Variants in ESPNL observed in about 807,000 individuals in gnomAD.
The protein encoded by ESPNL is espin like.
Under a neutral mutation model 46.8 loss-of-function variants are expected in ESPNL, and 49 were observed. The ratio of observed to expected loss-of-function variants is 1.05; its 90% CI spans 0.83 to 1.33. ESPNL has a LOEUF of 1.33. Among genes scored for constraint, ESPNL ranks in the 40% most tolerant of loss-of-function variants. The probability of loss-of-function intolerance (pLI) is 0.00; values close to 1 mark genes in which losing one functional copy is unlikely to be tolerated. For synonymous variants in ESPNL, 664 were observed against 662.1 expected, an observed-to-expected ratio of 1.00 and a Z score of -0.04; for missense variants, 1,540 against 1,436.6, an observed-to-expected ratio of 1.07 and a Z score of -1.16.
At chr2:238,109,237 A>G (rs2106466785) in intron 4 of ESPNL, among the ~76,000 whole-genome samples, 2 of 152,326 alleles carry the variant, frequency 1.3e-5, no homozygotes, top group African/African-American at 4.8e-5. Flanking sequence ...GCTTTTTTAA[A>G]GCAGCAAAAT....
chr2:238,102,094 C>G lies in ESPNL; in HGVS notation c.448C>G (p.Leu150Val). The stretch of plus-strand genomic sequence containing the variant: ...GCACCACGCTGCCGTCAGTGGGGAC[C>G]TGACCTGCCTCAAGCTCCTGACAGC... Reference protein sequence around the residue: ...PLHHAAVSGDLTCLKLLTAAH... With the variant: ...PLHHAAVSGDVTCLKLLTAAH... The change falls in exon 2 of 9, where the codon CTG (leucine) becomes GTG (valine). Residue 150 changes from leucine to valine, a missense_variant. Leu to Val is a conservative substitution (Grantham distance 32, BLOSUM62 1). Coordinates refer to ENST00000343063, the MANE Select transcript of ESPNL (RefSeq NM_194312.4). 1.3e-6 allele frequency: 2 copies of G among 1,570,618 alleles called. No individual in the cohort carries two copies. The highest frequency in any genetic ancestry group is 1.7e-6 in the Non-Finnish European group (2 of 1,159,620).
At chr2:238,121,083 C>G (rs981787271) in intron 5 of ESPNL, among the ~76,000 whole-genome samples, 1 of 152,178 alleles carries the variant, frequency 6.6e-6, no homozygotes, top group Non-Finnish European at 1.5e-5. Context: ...TCGGGCTCTG[C>G]TCAGGGTGCT....
Position 238,128,913 on chromosome 2 carries a change from C to T in ESPNL, c.1413+9C>T. ...GCTCCGCAGAGGCCCAGGTAGGCCCCCGGCAGGGGCGGGACCAGTGGGCGG... is the reference window on the plus strand; with the variant it reads ...GCTCCGCAGAGGCCCAGGTAGGCCCTCGGCAGGGGCGGGACCAGTGGGCGG... On this transcript the variant is annotated intron_variant, in intron 8 of 8. Transcript: ENST00000343063. The T allele has an allele frequency of 6.5e-7, 1 of 1,533,646 alleles. No individual in the cohort carries two copies. The highest frequency in any genetic ancestry group is 2.0e-5 in the Admixed American group (1 of 50,756).
At chr2:238,102,842 A>G (rs924831990) in intron 2 of ESPNL, among the ~76,000 whole-genome samples, 1 of 151,566 alleles carries the variant, frequency 6.6e-6, no homozygotes, top group Non-Finnish European at 1.5e-5. Context: ...GGACCCACCT[A>G]CCTCTGACCA....
At chr2:238,116,819 C>A in intron 4 of ESPNL, 84 bp from the exon 5 acceptor site, 1 of 1,519,242 alleles carries the variant, frequency 6.6e-7, no homozygotes, top group Non-Finnish European at 9.0e-7. Flanking sequence ...CGCCATGGGG[C>A]AGGGGAGCGG....
chr2:238,106,353 G>A (rs142248207), intron 3 of ESPNL, among the ~76,000 whole-genome samples: 288 of 152,242 alleles, frequency 1.9e-3, no homozygotes, highest in Middle Eastern at 6.8e-3. Flanking sequence ...CCGGGCGCTC[G>A]GGATGGCGCT....
chr2:238,118,241 T>G (rs1691860903), intron 5 of ESPNL, among the ~76,000 whole-genome samples: 1 of 102,504 alleles, frequency 9.8e-6, no homozygotes, highest in Admixed American at 1.1e-4. Context: ...GGAGGGTGGA[T>G]GGAGGAGGAA....
At position 238,131,133 on chromosome 2, in the gene ESPNL, C is replaced by A; in HGVS notation, c.2419C>A (p.Leu807Met). ...GCAGCAGCGCAGCACCATCACCCAC[C>A]TGCTGGGCAACTGGAAGGCCATCAT... ...LWQQRSTITHLLGNWKAIMAH... is the reference protein window; with the variant it reads ...LWQQRSTITHMLGNWKAIMAH... The change falls in exon 9 of 9, where the codon CTG becomes ATG. Residue 807 changes from leucine to methionine, a missense_variant. Transcript: ENST00000343063. 6.5e-7 allele frequency: 1 copy of A among 1,545,974 alleles called. No individual in the cohort carries two copies. The highest frequency in any genetic ancestry group is 8.7e-7 in the Non-Finnish European group (1 of 1,146,916).
At chr2:238,110,066 C>A (rs35107617) in intron 4 of ESPNL, among the ~76,000 whole-genome samples, 1 of 150,830 alleles carries the variant, frequency 6.6e-6, no homozygotes, top group Admixed American at 6.6e-5. Flanking sequence ...ATTTAGGATG[C>A]CACACGTTAC....
intron 6 of ESPNL, among the ~76,000 whole-genome samples, chr2:238,126,567 T>TTGTG (rs540303616): frequency 1.1e-5 from 1 of 93,364 alleles, no homozygotes; most frequent in East Asian, 2.8e-4. Flanking sequence ...GTGATTGTGT[T>TTGTG]TGTGTGTGTC....
At chr2:238,105,257 C>T (rs1416678499) in intron 3 of ESPNL, among the ~76,000 whole-genome samples, 1 of 152,128 alleles carries the variant, frequency 6.6e-6, no homozygotes, top group African/African-American at 2.4e-5. Flanking sequence ...CACCTTCCTC[C>T]ACTTCTGGCC....
Position 238,131,719 on chromosome 2 carries a change from A to G in ESPNL, c.3005A>G (p.Asn1002Ser), listed in dbSNP as rs769565925. Residue 1002 changes from asparagine to serine, a missense_variant, in exon 9 of 9, where the codon AAC (asparagine) becomes AGC (serine). Transcript: ENST00000343063. ...FWKEKEAEMFNFGE is the reference protein window; with the variant it reads ...FWKEKEAEMFSFGE ...AAGGAGAAGGAAGCTGAGATGTTCA[A>G]CTTTGGAGAATGACCCTACTGGCAG... 7 of 1,582,644 alleles carry G rather than the reference A, an allele frequency of 4.4e-6. No homozygotes were observed. In the African/African-American group the frequency reaches 8.1e-5, roughly 18 times the overall value.
At chr2:238,101,261 T>C (rs1691468296) in intron 1 of ESPNL, among the ~76,000 whole-genome samples, 2 of 135,450 alleles carry the variant, frequency 1.5e-5, no homozygotes, top group African/African-American at 6.4e-5. Flanking sequence ...TGAGCAGGAC[T>C]GACCGGCCTT....
In ESPNL at chr2:238,132,886, A is replaced by C. The variant is rs1395553669; in HGVS notation, c.*1154A>C. The stretch of plus-strand genomic sequence containing the variant: ...GGGAGTGGCAGGGACGGGAGGCTTC[A>C]GGAATATTCCTCCTGGCATCCAGGC... On this transcript the variant is annotated 3_prime_UTR_variant, in exon 9 of 9. Transcript: ENST00000343063. 1 of 152,186 alleles carries C rather than the reference A, an allele frequency of 6.6e-6. No individual in the cohort carries two copies. Among genetic ancestry groups the C allele is most frequent in the Non-Finnish European group, 1.5e-5 (1 of 68,064 alleles). The allele number at this position is 152,186 out of a possible 1,614,324, so 9.4% of individuals were successfully genotyped here. A position where few individuals can be genotyped will look rare whatever the true frequency, so the allele number is the denominator to read the frequency against.
rs769105149 is a variant in ESPNL, at chr2:238,127,694, C to A, written c.1175C>A (p.Ala392Asp). The change falls in exon 7 of 9, where the codon GCC (alanine) becomes GAC (aspartate). Residue 392 changes from alanine (A) to aspartate (D), a missense_variant. Coordinates refer to ENST00000343063, the MANE Select transcript of ESPNL (RefSeq NM_194312.4). ...CCCAGGGAGCAGATGACCAGCCCGGCCCCTCCGAGGATCATCACCAGTGCC... is the reference window on the plus strand; with the variant it reads ...CCCAGGGAGCAGATGACCAGCCCGGACCCTCCGAGGATCATCACCAGTGCC... Reference protein sequence around the residue: ...PLPREQMTSPAPPRIITSATA... With the variant: ...PLPREQMTSPDPPRIITSATA... 6.2e-7 allele frequency: 1 copy of A among 1,612,482 alleles called. No homozygotes were observed. Among genetic ancestry groups the A allele is most frequent in the Non-Finnish European group, 8.5e-7 (1 of 1,179,484 alleles).
rs747056997 is a variant in ESPNL, at chr2:238,130,618, G to T, written c.1904G>T (p.Ser635Ile). The T allele has an allele frequency of 6.4e-6, 10 of 1,563,218 alleles. No individual in the cohort carries two copies. The highest frequency in any genetic ancestry group is 8.7e-6 in the Non-Finnish European group (10 of 1,154,074). ...LQDTCREASA[S>I]PPRSEAQRQI... is the part of the protein sequence containing the mutation. Reference sequence around the variant, plus strand: ...GACACCTGCAGGGAGGCCTCGGCCAGCCCCCCTCGGAGCGAGGCCCAGCGC... The same window carrying T: ...GACACCTGCAGGGAGGCCTCGGCCATCCCCCCTCGGAGCGAGGCCCAGCGC... The change falls in exon 9 of 9, where the codon AGC becomes ATC. Residue 635 changes from serine to isoleucine, a missense_variant. Transcript: ENST00000343063.
intron 3 of ESPNL, among the ~76,000 whole-genome samples, chr2:238,105,762 C>T (rs959505249): frequency 3.3e-5 from 5 of 152,056 alleles, no homozygotes; most frequent in African/African-American, 7.2e-5. Flanking sequence ...ACGGAAGGCT[C>T]GGAGCCAGGA....
chr2:238,111,585 C>T (rs1691719559), intron 4 of ESPNL, among the ~76,000 whole-genome samples: 1 of 152,226 alleles, frequency 6.6e-6, no homozygotes, highest in African/African-American at 2.4e-5. Context: ...ATAATGTCCT[C>T]AAGGTTCATC....
intron 4 of ESPNL, among the ~76,000 whole-genome samples, chr2:238,111,271 A>C (rs915367300): frequency 6.6e-6 from 1 of 152,070 alleles, no homozygotes; most frequent in Non-Finnish European, 1.5e-5. Flanking sequence ...TATTTTTTTA[A>C]TTGTTAAATT....
Sources: gnomAD v4.1 joint callset for allele counts (sites outside exome capture counted in the v4.1 genomes callset) on GRCh38, gnomAD v4.1.1 for gene constraint, MANE v1.5 for transcripts, NCBI Gene and HGNC (gene_info 2026-07-23, HGNC 2026-07-21) for gene names.